Variants in PTPRD observed in about 807,000 individuals in gnomAD.
PTPRD encodes the protein receptor-type tyrosine-protein phosphatase delta.
In PTPRD, 34 loss-of-function variants were observed where a neutral mutation model predicts 214.5. The observed-to-expected ratio is 0.16, with a 90% CI of 0.12 to 0.21. The LOEUF is 0.21. PTPRD is among the 10% of genes least tolerant of loss of function. PTPRD has a pLI of 1.00. For synonymous variants in PTPRD, 1,128 were observed against 845.7 expected (o/e 1.33, Z -5.79); for missense variants, 2,545 against 2,398.7 (o/e 1.06, Z -1.27).
At chr9:8,794,004 G>A (rs2096324375) in intron 11 of PTPRD, among the ~76,000 whole-genome samples, 1 of 152,194 alleles carries the variant, frequency 6.6e-6, no homozygotes, top group African/African-American at 2.4e-5. Context: ...TATTGATATA[G>A]AGTACTAGGA....
At chr9:10,592,542 A>C (rs1019499397) in intron 2 of PTPRD, among the ~76,000 whole-genome samples, 2 of 151,930 alleles carry the variant, frequency 1.3e-5, no homozygotes, top group Admixed American at 1.3e-4. Flanking sequence ...GCAGTGGTTC[A>C]ATATGTCTAC....
chr9:9,421,236 T>G (rs1349663477), intron 8 of PTPRD, among the ~76,000 whole-genome samples: 1 of 151,928 alleles, frequency 6.6e-6, no homozygotes, highest in Admixed American at 6.6e-5. Context: ...TAAAAACACT[T>G]TAATTCTAAA....
intron 5 of PTPRD, among the ~76,000 whole-genome samples, chr9:9,830,786 G>T (rs1410431023): frequency 6.6e-6 from 1 of 151,842 alleles, no homozygotes; most frequent in Non-Finnish European, 1.5e-5. Context: ...TTCAAGGCAG[G>T]TCCTTAGCTG....
intron 10 of PTPRD, among the ~76,000 whole-genome samples, chr9:9,032,635 T>G (rs2154377768): frequency 6.6e-6 from 1 of 151,346 alleles, no homozygotes; most frequent in African/African-American, 2.4e-5. Flanking sequence ...AAAATATGAT[T>G]AAAAGGATGT....
intron 2 of PTPRD, among the ~76,000 whole-genome samples, chr9:10,542,688 C>T (rs918366164): frequency 2.0e-4 from 30 of 151,908 alleles, no homozygotes; most frequent in Admixed American, 5.9e-4. Flanking sequence ...GAAATATTTA[C>T]TATAGATTTT....
intron 3 of PTPRD, among the ~76,000 whole-genome samples, chr9:10,055,544 A>G (rs2154159229): frequency 6.6e-6 from 1 of 152,212 alleles, no homozygotes; most frequent in African/African-American, 2.4e-5. Context: ...GGATTTAAAC[A>G]CAGGAATCTG....
At chr9:9,107,782 A>T (rs927855812) in intron 10 of PTPRD, among the ~76,000 whole-genome samples, 2 of 152,156 alleles carry the variant, frequency 1.3e-5, no homozygotes, top group African/African-American at 4.8e-5. Flanking sequence ...TATACACTTA[A>T]CTACAGTTGT....
At chr9:8,653,389 G>A (rs1036231844) in intron 12 of PTPRD, among the ~76,000 whole-genome samples, 2 of 152,018 alleles carry the variant, frequency 1.3e-5, no homozygotes, top group African/African-American at 2.4e-5. Flanking sequence ...CAAAGCATTC[G>A]GTAATATAGT....
chr9:10,245,340 C>A (rs2091901605), intron 3 of PTPRD, among the ~76,000 whole-genome samples: 1 of 152,218 alleles, frequency 6.6e-6, no homozygotes, highest in East Asian at 1.9e-4. Flanking sequence ...CGTAGGTAAT[C>A]TGATAATCAA....
intron 3 of PTPRD, among the ~76,000 whole-genome samples, chr9:10,176,179 T>A (rs1217172133): frequency 6.6e-6 from 1 of 152,030 alleles, no homozygotes; most frequent in African/African-American, 2.4e-5. Context: ...ATTAACCTTT[T>A]AATATTACAT....
intron 34 of PTPRD, among the ~76,000 whole-genome samples, chr9:8,445,240 C>T (rs2095678607): frequency 6.6e-6 from 1 of 152,142 alleles, no homozygotes. Flanking sequence ...CTAATTCTGG[C>T]TGACCTTGTA....
intron 11 of PTPRD, among the ~76,000 whole-genome samples, chr9:8,886,510 T>C (rs764466671): frequency 1.3e-4 from 20 of 152,266 alleles, no homozygotes; most frequent in Non-Finnish European, 2.4e-4. Flanking sequence ...CTTTTTGTTT[T>C]AAGTTCTAGT....
intron 11 of PTPRD, among the ~76,000 whole-genome samples, chr9:8,840,914 C>A (rs1370613609): frequency 1.3e-5 from 2 of 152,154 alleles, no homozygotes; most frequent in Non-Finnish European, 2.9e-5. Flanking sequence ...GTACAAGGGA[C>A]TTCTATCAAC....
At chr9:9,268,165 G>C (rs1941000488) in intron 9 of PTPRD, among the ~76,000 whole-genome samples, 1 of 151,136 alleles carries the variant, frequency 6.6e-6, no homozygotes, top group Non-Finnish European at 1.5e-5. Flanking sequence ...ATTCAGTGAA[G>C]TCGCAGGATA....
At chr9:8,543,013 G>A (rs1296954515) in intron 14 of PTPRD, among the ~76,000 whole-genome samples, 1 of 152,154 alleles carries the variant, frequency 6.6e-6, no homozygotes, top group Non-Finnish European at 1.5e-5. Flanking sequence ...ATGGTCTCCT[G>A]AATAAGAGGA....
At chr9:8,696,580 G>A (rs113509527) in intron 12 of PTPRD, among the ~76,000 whole-genome samples, 22 of 152,120 alleles carry the variant, frequency 1.4e-4, no homozygotes, top group African/African-American at 5.3e-4. Flanking sequence ...ACAGAAGAGG[G>A]GGCAGGGGAG....
intron 9 of PTPRD, among the ~76,000 whole-genome samples, chr9:9,202,629 G>T (rs972862317): frequency 6.6e-6 from 1 of 152,112 alleles, no homozygotes; most frequent in Non-Finnish European, 1.5e-5. Context: ...ATTAGTTGTT[G>T]CCTTGAAACT....
At chr9:10,035,324 A>G (rs1356965736) in intron 3 of PTPRD, among the ~76,000 whole-genome samples, 1 of 152,028 alleles carries the variant, frequency 6.6e-6, no homozygotes, top group Non-Finnish European at 1.5e-5. Flanking sequence ...TTCCTTATAC[A>G]TACTGGATAT....
At chr9:8,504,736 G>A (rs917490846) in intron 22 of PTPRD, among the ~76,000 whole-genome samples, 1 of 152,150 alleles carries the variant, frequency 6.6e-6, no homozygotes, top group African/African-American at 2.4e-5. Flanking sequence ...TGTGTATGTT[G>A]CTGTGACACA....
Sources: allele counts gnomAD v4.1 joint callset (sites outside exome capture counted in the v4.1 genomes callset), GRCh38; gene constraint gnomAD v4.1.1; transcripts MANE v1.5; gene names NCBI Gene and HGNC (gene_info 2026-07-23, HGNC 2026-07-21).